YPEL2: variants seen among roughly 807,000 people sequenced by gnomAD.
YPEL2 encodes yippee like 2.
YPEL2 carries 2 observed loss-of-function variants against 19.1 expected under a neutral mutation model. That is an observed-to-expected ratio of 0.10 (90% confidence interval 0.04 to 0.33). The LOEUF is 0.33. Among genes scored for constraint, YPEL2 ranks in the 10% least tolerant of loss-of-function variants. YPEL2 has a pLI of 1.00. For synonymous variants in YPEL2, 52 were observed against 50.0 expected, an observed-to-expected ratio of 1.04 and a Z score of -0.17; for missense variants, 66 against 140.7, an observed-to-expected ratio of 0.47 and a Z score of 2.68.
rs897656468 is a variant in YPEL2, at chr17:59,398,952, C to A, written c.*1762C>A. On this transcript the variant is annotated 3_prime_UTR_variant, in exon 5 of 5. Transcript: ENST00000312655. ...GGAAATGCTTTTTTGTGTGTCTCCA[C>A]GCGCTGATGGTGGAATGGGAGCCCC... is the stretch of plus-strand genomic sequence containing the variant. 6.6e-6 allele frequency: 1 copy of A among 152,168 alleles called. No individual in the cohort carries two copies. Among genetic ancestry groups the A allele is most frequent in the Non-Finnish European group, 1.5e-5 (1 of 68,034 alleles). 9.4% of individuals were successfully genotyped at this position (152,168 alleles called of 1,614,324 possible).
At chr17:59,376,367 C>T (rs768384218) in intron 2 of YPEL2, among the ~76,000 whole-genome samples, 7 of 152,088 alleles carry the variant, frequency 4.6e-5, no homozygotes, top group South Asian at 2.1e-4. Context: ...TACAGGCACC[C>T]GCCACCACAT....
chr17:59,334,018 G>A (rs1050247284), intron 1 of YPEL2, among the ~76,000 whole-genome samples: 4 of 152,182 alleles, frequency 2.6e-5, no homozygotes, highest in African/African-American at 9.7e-5. Flanking sequence ...GCTTTGAAAA[G>A]TCTAAGGGCA....
intron 2 of YPEL2, among the ~76,000 whole-genome samples, chr17:59,363,817 T>C (rs1202270716): frequency 6.6e-6 from 1 of 152,256 alleles, no homozygotes; most frequent in African/African-American, 2.4e-5. Flanking sequence ...CTAGGTTCTT[T>C]TGGCCTTGCC....
intron 1 of YPEL2, among the ~76,000 whole-genome samples, chr17:59,342,643 T>TG (rs150640810): frequency 0.011 from 1,693 of 152,338 alleles, 45 homozygotes; most frequent in African/African-American, 0.038. Flanking sequence ...TTATCATCTC[T>TG]GAGCATGATC....
In YPEL2 at chr17:59,343,664, A is replaced by G. The variant is rs376959542; in HGVS notation, c.-195-9551A>G. ...ATAATGACTGAGTTTGATCTGTAGG[A>G]AACAGGTTTGGAGTAGGGTGGGGAG... On this transcript the variant is annotated intron_variant, in intron 1 of 4. Transcript: ENST00000312655. Among the ~76,000 whole-genome samples the G allele has an allele frequency of 3.9e-5, 6 of 152,256 alleles. No homozygotes were observed. In the East Asian group the frequency reaches 1.2e-3, roughly 29 times the overall value.
chr17:59,339,065 C>G (rs1415405269), intron 1 of YPEL2, among the ~76,000 whole-genome samples: 1 of 151,978 alleles, frequency 6.6e-6, no homozygotes, highest in Non-Finnish European at 1.5e-5. Context: ...TTGCTTTTTC[C>G]TTTGTGTTGC....
chr17:59,381,982 G>T (rs1345347579), intron 2 of YPEL2, among the ~76,000 whole-genome samples: 2 of 152,188 alleles, frequency 1.3e-5, no homozygotes, highest in East Asian at 1.9e-4. Context: ...GCCAGGCTGG[G>T]CTGGGCCCCA....
At chr17:59,360,337 C>T (rs547657124) in intron 2 of YPEL2, among the ~76,000 whole-genome samples, 1 of 152,300 alleles carries the variant, frequency 6.6e-6, no homozygotes, top group East Asian at 1.9e-4. Context: ...CCTCGGCCTC[C>T]CAGAGTGCTG....
intron 1 of YPEL2, among the ~76,000 whole-genome samples, chr17:59,345,738 T>A (rs887632843): frequency 2.0e-5 from 3 of 152,170 alleles, no homozygotes; most frequent in African/African-American, 7.2e-5. Context: ...TAGGAACAAT[T>A]CCTGTGCTTT....
intron 2 of YPEL2, among the ~76,000 whole-genome samples, chr17:59,364,735 G>C (rs1390437639): frequency 6.7e-6 from 1 of 150,006 alleles, no homozygotes; most frequent in African/African-American, 2.5e-5. Context: ...CTCCTATTCA[G>C]CCTCCCAAGT....
intron 2 of YPEL2, among the ~76,000 whole-genome samples, chr17:59,358,850 C>T (rs535600009): frequency 7.2e-5 from 11 of 151,860 alleles, no homozygotes; most frequent in African/African-American, 9.7e-5. Context: ...TCAGGTGATC[C>T]GCCCACCTCG....
At chr17:59,376,600 C>T (rs1339375245) in intron 2 of YPEL2, among the ~76,000 whole-genome samples, 1 of 152,148 alleles carries the variant, frequency 6.6e-6, no homozygotes. Flanking sequence ...TGATTATACC[C>T]ACCTGGTTTT....
chr17:59,358,457 T>C (rs896130273), intron 2 of YPEL2, among the ~76,000 whole-genome samples: 3 of 151,954 alleles, frequency 2.0e-5, no homozygotes, highest in Non-Finnish European at 4.4e-5. Flanking sequence ...TACACCAGTG[T>C]AGTGTAGTGT....
chr17:59,343,163 A>G (rs796779757), intron 1 of YPEL2, among the ~76,000 whole-genome samples: 16 of 152,322 alleles, frequency 1.1e-4, no homozygotes, highest in African/African-American at 3.8e-4. Flanking sequence ...GTAGAGCATT[A>G]ATGGTGTGTA....
intron 1 of YPEL2, among the ~76,000 whole-genome samples, chr17:59,333,587 C>G (rs995125286): frequency 2.0e-5 from 3 of 152,162 alleles, no homozygotes; most frequent in African/African-American, 7.2e-5. Context: ...CCCTTACTCC[C>G]TGCAGTGTGC....
At chr17:59,349,176 A>T (rs2047773553) in intron 1 of YPEL2, among the ~76,000 whole-genome samples, 2 of 83,296 alleles carry the variant, frequency 2.4e-5, no homozygotes. Context: ...TCCGTCTCAA[A>T]AAAAAAAAAA....
chr17:59,388,327 T>A lies in YPEL2; in HGVS notation c.118T>A (p.Ser40Thr). Residue 40 changes from serine to threonine, a missense_variant and splice_region_variant, in exon 3 of 5, where the codon TCA becomes ACA. Coordinates refer to ENST00000312655, the MANE Select transcript of YPEL2 (RefSeq NM_001005404.4). ...ATCGATTTGTTTTCTTGCATTTCAGTCATTCCAAGGAAGTCAAGGACGAGC... is the reference window on the plus strand; with the variant it reads ...ATCGATTTGTTTTCTTGCATTTCAGACATTCCAAGGAAGTCAAGGACGAGC... ...LANHDELISK[S>T]FQGSQGRAYL... 1.2e-6 allele frequency: 2 copies of A among 1,614,164 alleles called. No homozygotes were observed. Among genetic ancestry groups the A allele is most frequent in the Non-Finnish European group, 1.7e-6 (2 of 1,180,002 alleles).
intron 3 of YPEL2, chr17:59,389,043 C>G (rs1157775204): frequency 2.7e-6 from 1 of 369,712 alleles, no homozygotes; most frequent in African/African-American, 2.1e-5. Flanking sequence ...CTGTGGACTT[C>G]ACAGTGTGGC....
chr17:59,333,979 T>C (rs1372031648), intron 1 of YPEL2, among the ~76,000 whole-genome samples: 3 of 152,154 alleles, frequency 2.0e-5, no homozygotes, highest in African/African-American at 7.2e-5. Context: ...AATCCCAAAA[T>C]CACTCAGCTG....
Sources: gnomAD v4.1 joint callset for allele counts (sites outside exome capture counted in the v4.1 genomes callset) on GRCh38, gnomAD v4.1.1 for gene constraint, MANE v1.5 for transcripts, NCBI Gene and HGNC (gene_info 2026-07-23, HGNC 2026-07-21) for gene names.